The following CNTN5 variants were observed in gnomAD, a reference collection of about 807,000 sequenced individuals.
The protein encoded by CNTN5 is contactin-5.
CNTN5 carries 77 observed loss-of-function variants against 129.1 expected under a neutral mutation model. The ratio of observed to expected loss-of-function variants is 0.60; its 90% CI spans 0.50 to 0.72. The LOEUF is 0.72. Ranked by LOEUF, CNTN5 falls within the 30% of genes least tolerant of loss-of-function variation. The probability of loss-of-function intolerance (pLI) is 0.00; values close to 1 mark genes in which losing one functional copy is unlikely to be tolerated. For missense variants in CNTN5, 1,478 were observed against 1,328.8 expected, an observed-to-expected ratio of 1.11 and a Z score of -1.75; for synonymous variants, 509 against 465.6, an observed-to-expected ratio of 1.09 and a Z score of -1.20.
At chr11:99,778,320 T>G (rs1945196040) in intron 3 of CNTN5, among the ~76,000 whole-genome samples, 1 of 151,856 alleles carries the variant, frequency 6.6e-6, no homozygotes, top group Non-Finnish European at 1.5e-5. Context: ...TGAGCAATGA[T>G]TAGGTGTAGG....
intron 1 of CNTN5, among the ~76,000 whole-genome samples, chr11:99,074,965 A>G (rs755989114): frequency 7.9e-5 from 12 of 152,210 alleles, no homozygotes; most frequent in Non-Finnish European, 1.2e-4. Flanking sequence ...AGGATATTGT[A>G]ATCTTTTACT....
intron 3 of CNTN5, among the ~76,000 whole-genome samples, chr11:99,577,575 A>C (rs1949397513): frequency 6.6e-6 from 1 of 152,158 alleles, no homozygotes; most frequent in African/African-American, 2.4e-5. Context: ...CATTTAATTA[A>C]AAATAATGTG....
intron 2 of CNTN5, among the ~76,000 whole-genome samples, chr11:99,468,996 C>T (rs1290276454): frequency 3.3e-5 from 5 of 151,886 alleles, no homozygotes. Flanking sequence ...GATATTTACT[C>T]CTTGGCCTTC....
chr11:100,128,628 G>A (rs1487684996), intron 13 of CNTN5, among the ~76,000 whole-genome samples: 1 of 152,100 alleles, frequency 6.6e-6, no homozygotes, highest in African/African-American at 2.4e-5. Flanking sequence ...AGCTATAGTA[G>A]AAAGGCACAG....
At chr11:99,565,571 C>T (rs905014312) in intron 3 of CNTN5, among the ~76,000 whole-genome samples, 3 of 152,158 alleles carry the variant, frequency 2.0e-5, no homozygotes, top group African/African-American at 7.2e-5. Context: ...ATTTTCTGTT[C>T]CCCATTACCA....
At chr11:100,216,455 CTTAGG>C (rs1176568466) in intron 15 of CNTN5, among the ~76,000 whole-genome samples, 3 of 151,966 alleles carry the variant, frequency 2.0e-5, no homozygotes, top group Non-Finnish European at 2.9e-5. Context: ...AAATTATGCA[CTTAGG>C]TTAGGAAGTA....
intron 2 of CNTN5, among the ~76,000 whole-genome samples, chr11:99,551,291 T>A (rs1591265315): frequency 6.6e-6 from 1 of 152,184 alleles, no homozygotes; most frequent in Non-Finnish European, 1.5e-5. Flanking sequence ...GGCAAACATT[T>A]AAGGCATATG....
In CNTN5 at chr11:99,239,570, C is replaced by G. The variant is rs534525274; in HGVS notation, c.-209-85776C>G. Among the ~76,000 whole-genome samples the G allele has an allele frequency of 2.6e-5, 4 of 152,282 alleles. No individual in the cohort carries two copies. The East Asian group carries it at 7.7e-4, about 29-fold the overall frequency. The stretch of plus-strand genomic sequence containing the variant: ...CTTTCCAACTGTGAGTAGGAAAACA[C>G]TCATATCTTTCTGTAGACCTCCTGT... On this transcript the variant is annotated intron_variant, in intron 1 of 24. Coordinates refer to ENST00000524871, the MANE Select transcript of CNTN5 (RefSeq NM_014361.4).
intron 3 of CNTN5, among the ~76,000 whole-genome samples, chr11:99,731,801 C>T (rs919306542): frequency 1.8e-4 from 28 of 152,106 alleles, no homozygotes; most frequent in Non-Finnish European, 4.4e-5. Context: ...TTAAATATAT[C>T]TTAAGGGCTA....
intron 2 of CNTN5, among the ~76,000 whole-genome samples, chr11:99,454,336 G>A (rs755352158): frequency 9.2e-5 from 14 of 152,112 alleles, no homozygotes; most frequent in South Asian, 2.1e-4. Context: ...TATAATTCCC[G>A]TAATCCACAT....
chr11:100,276,555 A>AAAC (rs1950518169), intron 18 of CNTN5, among the ~76,000 whole-genome samples: 1 of 132,674 alleles, frequency 7.5e-6, no homozygotes, highest in Non-Finnish European at 1.6e-5. Context: ...AAAAAAAAGG[A>AAAC]AAGAAACACT....
chr11:99,327,829 C>T (rs186554948), intron 2 of CNTN5, among the ~76,000 whole-genome samples: 145 of 152,234 alleles, frequency 9.5e-4, no homozygotes, highest in Non-Finnish European at 1.3e-3. Context: ...ATATTAAAAG[C>T]GGTCCTGAGT....
At chr11:99,691,384 T>C (rs546349276) in intron 3 of CNTN5, among the ~76,000 whole-genome samples, 2 of 152,252 alleles carry the variant, frequency 1.3e-5, no homozygotes, top group African/African-American at 2.4e-5. Flanking sequence ...TGTGGGCTTT[T>C]ATTGCAGTAA....
At chr11:99,632,532 T>C (rs144509566) in intron 3 of CNTN5, among the ~76,000 whole-genome samples, 2 of 152,232 alleles carry the variant, frequency 1.3e-5, no homozygotes, top group East Asian at 3.9e-4. Flanking sequence ...TGAAATCCTT[T>C]TCTTTCTTTA....
chr11:99,187,130 C>T (rs1190197309), intron 1 of CNTN5, among the ~76,000 whole-genome samples: 1 of 151,774 alleles, frequency 6.6e-6, no homozygotes, highest in African/African-American at 2.4e-5. Context: ...TACGTGTATC[C>T]AGTGATAAAT....
intron 3 of CNTN5, among the ~76,000 whole-genome samples, chr11:99,583,915 C>G (rs1045603578): frequency 4.6e-5 from 7 of 152,134 alleles, no homozygotes; most frequent in Non-Finnish European, 8.8e-5. Context: ...TTCTGCATGG[C>G]TCAAGCTGGG....
intron 9 of CNTN5, among the ~76,000 whole-genome samples, chr11:100,048,308 C>A (rs960581083): frequency 3.1e-5 from 1 of 32,512 alleles, no homozygotes; most frequent in South Asian, 1.4e-3. Flanking sequence ...TCCTCAGATC[C>A]CCCAGGTTCT....
At chr11:99,567,804 G>C in intron 3 of CNTN5, among the ~76,000 whole-genome samples, 1 of 152,100 alleles carries the variant, frequency 6.6e-6, no homozygotes, top group East Asian at 1.9e-4. Context: ...GCTGTGCCCT[G>C]GCGGTATTAG....
chr11:99,718,133 T>A (rs916212308), intron 3 of CNTN5, among the ~76,000 whole-genome samples: 1 of 152,072 alleles, frequency 6.6e-6, no homozygotes, highest in Non-Finnish European at 1.5e-5. Flanking sequence ...ACCTTACACA[T>A]CTTCAGGAAT....
Sources: allele counts gnomAD v4.1 joint callset (sites outside exome capture counted in the v4.1 genomes callset), GRCh38; gene constraint gnomAD v4.1.1; transcripts MANE v1.5; gene names NCBI Gene and HGNC (gene_info 2026-07-23, HGNC 2026-07-21).